ESRRB: variants seen among roughly 807,000 people sequenced by gnomAD.
The protein encoded by ESRRB is steroid hormone receptor ERR2.
In ESRRB, 16 loss-of-function variants were observed where a neutral mutation model predicts 46.0. The observed-to-expected ratio is 0.35, with a 90% confidence interval of 0.24 to 0.53. The LOEUF is 0.53. Among genes scored for constraint, ESRRB ranks in the 20% least tolerant of loss-of-function variants. The pLI is 0.93. For missense variants in ESRRB, 488 were observed against 607.4 expected (o/e 0.80, Z 2.07); for synonymous variants, 246 against 259.6 (o/e 0.95, Z 0.50).
intron 1 of ESRRB, among the ~76,000 whole-genome samples, chr14:76,333,881 G>C (rs887851829): frequency 2.6e-5 from 4 of 151,582 alleles, no homozygotes; most frequent in Non-Finnish European, 4.4e-5. Context: ...TACCATGTTT[G>C]ACTGTGCAAG....
rs779134127 is a variant in ESRRB at position 76,439,656 on chromosome 14, C to T, written c.366C>T (p.Arg122=). Residue 122 remains arginine, a synonymous_variant, in exon 2 of 7, where the codon CGC becomes CGT. Transcript: ENST00000644823. ...ACATGCTCAACGCCATCCCCAAGCG[C>T]CTGTGCCTCGTGTGCGGGGACATTG... ...CEYMLNAIPK[R]LCLVCGDIAS... is the part of the protein sequence containing the mutation. 1 of 1,614,264 alleles carries T rather than the reference C, an allele frequency of 6.2e-7. No individual in the cohort carries two copies. The highest frequency in any genetic ancestry group is 2.2e-5 in the East Asian group (1 of 44,888).
chr14:76,455,422 T>C (rs1888565590), intron 2 of ESRRB, among the ~76,000 whole-genome samples: 1 of 152,114 alleles, frequency 6.6e-6, no homozygotes, highest in African/African-American at 2.4e-5. Flanking sequence ...TTAGCTCCAA[T>C]TACACAACCC....
intron 1 of ESRRB, among the ~76,000 whole-genome samples, chr14:76,360,313 C>T (rs959755737): frequency 6.6e-6 from 1 of 152,186 alleles, no homozygotes; most frequent in African/African-American, 2.4e-5. Flanking sequence ...ACTGGATTTC[C>T]TCCCTCTCCA....
At chr14:76,317,754 C>T (rs895044602) in intron 1 of ESRRB, among the ~76,000 whole-genome samples, 3 of 152,178 alleles carry the variant, frequency 2.0e-5, no homozygotes, top group African/African-American at 7.2e-5. Context: ...AATTCAGGTG[C>T]TGATGCTTTC....
At chr14:76,483,922 C>T (rs1024924638) in intron 5 of ESRRB, among the ~76,000 whole-genome samples, 6 of 152,206 alleles carry the variant, frequency 3.9e-5, no homozygotes, top group East Asian at 1.9e-4. Flanking sequence ...GGCGCGATCT[C>T]GGCTCACTGC....
At chr14:76,432,481 C>T (rs1887490131) in intron 1 of ESRRB, among the ~76,000 whole-genome samples, 1 of 152,176 alleles carries the variant, frequency 6.6e-6, no homozygotes, top group Non-Finnish European at 1.5e-5. Flanking sequence ...TCCTCCTGCC[C>T]TCCGGCCCTT....
intron 1 of ESRRB, among the ~76,000 whole-genome samples, chr14:76,363,764 G>C (rs1363781934): frequency 6.6e-6 from 1 of 152,164 alleles, no homozygotes; most frequent in Non-Finnish European, 1.5e-5. Context: ...AGGTTTCCAG[G>C]CCTACTCACA....
chr14:76,345,835 G>C (rs10149196), intron 1 of ESRRB, among the ~76,000 whole-genome samples: 58,880 of 152,056 alleles, frequency 0.39, 11,430 homozygotes, highest in Admixed American at 0.49. Context: ...TCCGGGCTCT[G>C]TCTCACGTTT....
chr14:76,388,085 T>G (rs915075582), intron 1 of ESRRB, among the ~76,000 whole-genome samples: 6 of 152,130 alleles, frequency 3.9e-5, no homozygotes, highest in African/African-American at 9.7e-5. Flanking sequence ...AGCTGGGATT[T>G]GCACAGAGGC....
intron 1 of ESRRB, among the ~76,000 whole-genome samples, chr14:76,351,192 T>A (rs1239944170): frequency 6.6e-6 from 1 of 152,186 alleles, no homozygotes; most frequent in East Asian, 1.9e-4. Flanking sequence ...AGAATTAAAG[T>A]TAATATCATT....
chr14:76,410,965 G>T (rs933098945), intron 1 of ESRRB, among the ~76,000 whole-genome samples: 33 of 151,354 alleles, frequency 2.2e-4, no homozygotes, highest in Non-Finnish European at 1.2e-4. Context: ...TGTATTTTTC[G>T]CAGAGACGGG....
intron 5 of ESRRB, among the ~76,000 whole-genome samples, chr14:76,489,897 CCAACAA>C (rs910629967): frequency 6.6e-6 from 1 of 152,110 alleles, no homozygotes; most frequent in Admixed American, 6.5e-5. Flanking sequence ...CAATGGTGTG[CCAACAA>C]CAACAACAAT....
At chr14:76,387,179 T>C (rs1220021805) in intron 1 of ESRRB, among the ~76,000 whole-genome samples, 1 of 152,188 alleles carries the variant, frequency 6.6e-6, no homozygotes, top group East Asian at 1.9e-4. Context: ...GCAGAGCTAG[T>C]TGAGAGCATG....
chr14:76,457,023 G>A (rs942715797), intron 2 of ESRRB, among the ~76,000 whole-genome samples: 10 of 152,132 alleles, frequency 6.6e-5, no homozygotes, highest in Middle Eastern at 3.2e-3. Flanking sequence ...CTATTTGTCC[G>A]AGCTTAGCAA....
chr14:76,467,766 A>C (rs1027843776), intron 3 of ESRRB, among the ~76,000 whole-genome samples: 2 of 151,912 alleles, frequency 1.3e-5, no homozygotes, highest in Non-Finnish European at 2.9e-5. Context: ...ACTCTGGAAA[A>C]CCACTAGCTG....
intron 1 of ESRRB, among the ~76,000 whole-genome samples, chr14:76,438,427 C>T (rs191797333): frequency 1.7e-3 from 263 of 152,132 alleles, no homozygotes; most frequent in African/African-American, 6.0e-3. Context: ...TTTGGGAGGC[C>T]GAGGCGGGTG....
intron 1 of ESRRB, among the ~76,000 whole-genome samples, chr14:76,348,122 C>G (rs1884271187): frequency 6.6e-6 from 1 of 152,118 alleles, no homozygotes; most frequent in Non-Finnish European, 1.5e-5. Context: ...ACCTCAATAA[C>G]TTTTGCACCA....
rs566745584 is a variant in ESRRB at position 76,462,432 on chromosome 14, A to AG, written c.461-107dup. On this transcript the variant is annotated intron_variant, in intron 2 of 6. Transcript: ENST00000644823. ...TCAGAGCACCTGCTTTGAGAACACT[A>AG]GGGGGGAGTGGCAGCTCTGGCAAAT... The AG allele has an allele frequency of 5.1e-3, 3,867 of 755,758 alleles. 21 individuals carry two copies. Among genetic ancestry groups the AG allele is most frequent in the Non-Finnish European group, 7.5e-3 (3,241 of 433,970 alleles). 46.8% of individuals were successfully genotyped at this position (755,758 alleles called of 1,614,324 possible).
intron 1 of ESRRB, among the ~76,000 whole-genome samples, chr14:76,426,085 A>G (rs1887188016): frequency 6.6e-6 from 1 of 152,260 alleles, no homozygotes; most frequent in South Asian, 2.1e-4. Flanking sequence ...AACACGGCAG[A>G]AGCAGGTCTT....
Sources: gnomAD v4.1 joint callset for allele counts (sites outside exome capture counted in the v4.1 genomes callset) on GRCh38, gnomAD v4.1.1 for gene constraint, MANE v1.5 for transcripts, NCBI Gene and HGNC (gene_info 2026-07-23, HGNC 2026-07-21) for gene names.